Variants in RUNX3 observed in about 807,000 individuals in gnomAD.
The protein encoded by RUNX3 is runt-related transcription factor 3.
Under a neutral mutation model 27.7 loss-of-function variants are expected in RUNX3, and 10 were observed. That is an observed-to-expected ratio of 0.36 (90% CI 0.22 to 0.61). RUNX3 has a LOEUF of 0.61. Among genes scored for constraint, RUNX3 ranks in the 20% least tolerant of loss-of-function variants. The pLI is 0.72. For missense variants in RUNX3, 469 were observed against 629.5 expected (o/e 0.75, Z 2.73); for synonymous variants, 270 against 269.2 (o/e 1.00, Z -0.03).
At chr1:24,908,426 C>T (rs899023895) in intron 3 of RUNX3, among the ~76,000 whole-genome samples, 1 of 151,922 alleles carries the variant, frequency 6.6e-6, no homozygotes, top group African/African-American at 2.4e-5. Context: ...ATGGGAGGAT[C>T]AGTTGAACCC....
intron 3 of RUNX3, among the ~76,000 whole-genome samples, chr1:24,910,268 G>C (rs1361491781): frequency 7.3e-6 from 1 of 137,638 alleles, no homozygotes; most frequent in Non-Finnish European, 1.5e-5. Flanking sequence ...CAGCCTAGGT[G>C]ACAGAGCAAG....
At chr1:24,944,092 C>G (rs77105859) in intron 2 of RUNX3, among the ~76,000 whole-genome samples, 1 of 152,068 alleles carries the variant, frequency 6.6e-6, no homozygotes, top group African/African-American at 2.4e-5. Flanking sequence ...GTGAGTACTC[C>G]TGGAATGGGT....
chr1:24,917,107 G>T (rs7537912), intron 3 of RUNX3, among the ~76,000 whole-genome samples: 19,675 of 152,082 alleles, frequency 0.13, 3,426 homozygotes, highest in African/African-American at 0.4. Flanking sequence ...CTCTCAGAGG[G>T]GCCAACCTTG....
chr1:24,962,575 G>A lies in RUNX3; in HGVS notation c.58+1939C>T, dbSNP rs1008996983. Reference sequence around the variant, plus strand: ...GAGCAGAAATGAACAGGAGAGAGAAGGCTGAAGAGGGGAGACAGGTCTCCA... The same window carrying A: ...GAGCAGAAATGAACAGGAGAGAGAAAGCTGAAGAGGGGAGACAGGTCTCCA... On this transcript the variant is annotated intron_variant, in intron 2 of 6. Coordinates refer to the RUNX3 transcript ENST00000338888. This position sits in a 1 kb window ranked among gnomAD's most constrained non-coding sequence, Gnocchi z 4.5. 1.1e-4 allele frequency among the ~76,000 whole-genome samples: 16 copies of A among 152,224 alleles called. No homozygotes were observed. The highest frequency in any genetic ancestry group is 2.7e-4 in the African/African-American group (11 of 41,458).
Position 24,943,325 on chromosome 1 carries a change from G to C in RUNX3, c.59-13473C>G, listed in dbSNP as rs1641525217. On this transcript the variant is annotated intron_variant, in intron 2 of 6. Coordinates refer to the RUNX3 transcript ENST00000338888. The surrounding 1 kb of genome is among the most constrained non-coding windows in gnomAD (Gnocchi z 4.6). ...AGCCAGCAAATGTGAGGCTCCTGGA[G>C]ACAGGGTCATGGACTTGAGGCTCTG... Among the ~76,000 whole-genome samples the C allele has an allele frequency of 6.6e-6, 1 of 152,238 alleles. No homozygotes were observed. Among genetic ancestry groups the C allele is most frequent in the Admixed American group, 6.5e-5 (1 of 15,288 alleles).
intron 2 of RUNX3, among the ~76,000 whole-genome samples, chr1:24,947,241 T>C (rs1007477908): frequency 1.3e-5 from 2 of 152,186 alleles, no homozygotes; most frequent in Non-Finnish European, 2.9e-5. Flanking sequence ...GCCTGCTACC[T>C]GGCTGCCTGC....
upstream of RUNX3, chr1:24,965,018 AC>A (rs1325484435): frequency 9.2e-6 from 2 of 216,384 alleles, no homozygotes; most frequent in African/African-American, 4.6e-5. This position sits in a 1 kb window ranked among gnomAD's most constrained non-coding sequence, Gnocchi z 5.4. Flanking sequence ...AATGAGGCTT[AC>A]CCTTGACAGA....
At chr1:24,942,978 G>A (rs1641514755) in intron 2 of RUNX3, among the ~76,000 whole-genome samples, 1 of 152,256 alleles carries the variant, frequency 6.6e-6, no homozygotes, top group South Asian at 2.1e-4. Context: ...GGAAATGTGG[G>A]CAGCTGGGTA....
chr1:24,944,604 A>G (rs1358449453), intron 2 of RUNX3, among the ~76,000 whole-genome samples: 1 of 152,218 alleles, frequency 6.6e-6, no homozygotes, highest in Non-Finnish European at 1.5e-5. Context: ...GATCACAAGG[A>G]TCCTCACACA....
chr1:24,907,235 G>A, intron 4 of RUNX3, 24 bp downstream of exon 4: 1 of 1,601,214 alleles, frequency 6.2e-7, no homozygotes. Context: ...TCACCCCGCT[G>A]CAGCCCCTCC....
At chr1:24,922,160 C>CTTCCT (rs1477336177) in intron 2 of RUNX3, among the ~76,000 whole-genome samples, 51 of 150,284 alleles carry the variant, frequency 3.4e-4, no homozygotes, top group African/African-American at 1.2e-3. Context: ...CCCTTCCTTC[C>CTTCCT]TTCCTTTCCT....
chr1:24,951,005 A>T (rs1334902513), intron 2 of RUNX3, among the ~76,000 whole-genome samples: 1 of 152,106 alleles, frequency 6.6e-6, no homozygotes, highest in Non-Finnish European at 1.5e-5. Flanking sequence ...CAGGAGATTG[A>T]GACCCTCCTG....
intron 2 of RUNX3, among the ~76,000 whole-genome samples, chr1:24,922,782 C>CAAAAAA (rs57671911): frequency 1.9e-4 from 4 of 21,558 alleles, no homozygotes; most frequent in Admixed American, 5.5e-4. Context: ...GCCCACAGGG[C>CAAAAAA]AAAAAAAAAA....
chr1:24,942,780 G>C (rs1199373269), intron 2 of RUNX3, among the ~76,000 whole-genome samples: 1 of 152,244 alleles, frequency 6.6e-6, no homozygotes, highest in Non-Finnish European at 1.5e-5. Context: ...GGAAACTGAG[G>C]CTAGAGTGGG....
chr1:24,938,858 C>T lies in RUNX3; in HGVS notation c.59-9006G>A, dbSNP rs375359051. ...GGACCTCACCAGATGCGGAACCTGC[C>T]AGAGCCTTGATCTTGGACTTCCCAG... On this transcript the variant is annotated intron_variant, in intron 2 of 6. Coordinates refer to the RUNX3 transcript ENST00000338888. Among the ~76,000 whole-genome samples, 6 of 152,256 alleles carry T rather than the reference C, an allele frequency of 3.9e-5. No individual in the cohort carries two copies. The East Asian group carries it at 1.2e-3, about 29-fold the overall frequency.
chr1:24,953,308 TG>T (rs1023393983), intron 2 of RUNX3, among the ~76,000 whole-genome samples: 2 of 132,150 alleles, frequency 1.5e-5, no homozygotes, highest in African/African-American at 5.9e-5. Flanking sequence ...GAGCTTGCAG[TG>T]AGTGCGATTG....
chr1:24,927,445 T>C lies in RUNX3; in HGVS notation c.439+129A>G, dbSNP rs774198601. 96 of 824,530 alleles carry C rather than the reference T, an allele frequency of 1.2e-4. No homozygotes were observed. Among genetic ancestry groups the C allele is most frequent in the Non-Finnish European group, 1.9e-4 (94 of 499,092 alleles). The allele number at this position is 824,530 out of a possible 1,614,324, so 51.1% of individuals were successfully genotyped here. A position where few individuals can be genotyped will look rare whatever the true frequency, so the allele number is the denominator to read the frequency against. The stretch of plus-strand genomic sequence containing the variant: ...CTGTAATATCCTACAGGATTACAAA[T>C]TGCTGTTTTTAGACAGAGCTGCATC... On this transcript the variant is annotated intron_variant, in intron 2 of 4. Coordinates refer to ENST00000308873, the MANE Select transcript of RUNX3 (RefSeq NM_004350.3). The surrounding 1 kb of genome is among the most constrained non-coding windows in gnomAD (Gnocchi z 5.0).
chr1:24,959,030 G>T (rs1390632483), intron 2 of RUNX3, among the ~76,000 whole-genome samples: 3 of 152,240 alleles, frequency 2.0e-5, no homozygotes, highest in Non-Finnish European at 4.4e-5. Context: ...GACTGGCTCA[G>T]TGGCAAGGCC....
Position 24,904,234 on chromosome 1 carries a change from G to A in RUNX3, c.704-1568C>T, listed in dbSNP as rs1640619162. On this transcript the variant is annotated intron_variant, in intron 4 of 4. Transcript: ENST00000308873. The surrounding 1 kb of genome is among the most constrained non-coding windows in gnomAD (Gnocchi z 5.7). ...CCTGCCACGCCGAGGCTTGGCTGAG[G>A]ACGGAGAGCTATGAGCCTGAGGTGT... 6.6e-6 allele frequency among the ~76,000 whole-genome samples: 1 copy of A among 152,226 alleles called. No homozygotes were observed.
Sources: gnomAD v4.1 joint callset for allele counts (sites outside exome capture counted in the v4.1 genomes callset) on GRCh38, gnomAD v4.1.1 for gene constraint, Gnocchi (gnomAD v3.1) non-coding constraint, MANE v1.5 for transcripts, NCBI Gene and HGNC (gene_info 2026-07-23, HGNC 2026-07-21) for gene names.